The following RHBDD1 variants were observed in gnomAD, a reference collection of about 807,000 sequenced individuals.
The protein encoded by RHBDD1 is rhomboid-related protein 4.
A neutral mutation model predicts 36.3 loss-of-function variants in RHBDD1; 38 were observed. That is an observed-to-expected ratio of 1.05 (90% CI 0.81 to 1.37). The LOEUF is 1.37. Ranked by LOEUF, RHBDD1 falls within the 40% of genes most tolerant of loss-of-function variation. The probability of loss-of-function intolerance (pLI) is 0.00; values close to 1 mark genes in which losing one functional copy is unlikely to be tolerated. For missense variants in RHBDD1, 393 were observed against 377.6 expected, an observed-to-expected ratio of 1.04 and a Z score of -0.34; for synonymous variants, 151 against 136.5, an observed-to-expected ratio of 1.11 and a Z score of -0.74.
At chr2:226,818,763 C>T in the RHBDD1 span, among the ~76,000 whole-genome samples, 10 of 151,728 alleles carry the variant, frequency 6.6e-5, no homozygotes, top group East Asian at 2.0e-4. Context: ...CGCTTGAACC[C>T]GGGAGGTGGA....
intron 8 of RHBDD1, among the ~76,000 whole-genome samples, chr2:226,936,658 C>T (rs374387234): frequency 6.6e-6 from 1 of 152,116 alleles, no homozygotes; most frequent in Non-Finnish European, 1.5e-5. Flanking sequence ...GCTACCAAAT[C>T]TTAATGATTT....
At chr2:226,860,660 GGAAAC>G (rs1303419894) in intron 3 of RHBDD1, among the ~76,000 whole-genome samples, 1 of 152,144 alleles carries the variant, frequency 6.6e-6, no homozygotes, top group Non-Finnish European at 1.5e-5. Flanking sequence ...TGATTAGGAA[GGAAAC>G]TGCCCTAGAG....
intron 1 of RHBDD1, among the ~76,000 whole-genome samples, chr2:226,836,842 T>C (rs551582803): frequency 6.6e-6 from 1 of 152,326 alleles, no homozygotes; most frequent in East Asian, 1.9e-4. Context: ...TTGAGGTAGT[T>C]CTAATAAACT....
chr2:226,833,871 G>A (rs182811271), upstream of RHBDD1, among the ~76,000 whole-genome samples: 12 of 152,262 alleles, frequency 7.9e-5, no homozygotes, highest in East Asian at 2.3e-3. Flanking sequence ...ATATGAGCAT[G>A]TTACAACATG....
At chr2:226,849,201 C>T (rs183700303) in intron 3 of RHBDD1, among the ~76,000 whole-genome samples, 6 of 152,294 alleles carry the variant, frequency 3.9e-5, no homozygotes, top group Admixed American at 2.0e-4. Context: ...TGGGCAGGGC[C>T]ACATAGCTCT....
intron 8 of RHBDD1, among the ~76,000 whole-genome samples, chr2:226,990,565 G>A (rs1032470896): frequency 1.1e-4 from 17 of 152,220 alleles, no homozygotes; most frequent in African/African-American, 2.6e-4. Context: ...GATGGCGAAC[G>A]GTAGGGAAAA....
At chr2:226,876,011 A>G (rs6718921) in intron 5 of RHBDD1, among the ~76,000 whole-genome samples, 2,402 of 152,260 alleles carry the variant, frequency 0.016, 58 homozygotes, top group African/African-American at 0.055. Context: ...CTTTTGTTTT[A>G]GCACTGGCAT....
At chr2:226,890,393 C>T (rs16822869) in intron 5 of RHBDD1, among the ~76,000 whole-genome samples, 4,089 of 152,226 alleles carry the variant, frequency 0.027, 87 homozygotes, top group East Asian at 0.12. Context: ...GGAGCTATAT[C>T]TGTTAGAAGG....
upstream of RHBDD1, among the ~76,000 whole-genome samples, chr2:226,831,788 C>A (rs1334087937): frequency 6.6e-6 from 1 of 150,956 alleles, no homozygotes; most frequent in Non-Finnish European, 1.5e-5. Flanking sequence ...TTGTGTCTGT[C>A]TAGGAATTTG....
At chr2:226,816,452 T>C in the RHBDD1 span, among the ~76,000 whole-genome samples, 2 of 151,996 alleles carry the variant, frequency 1.3e-5, no homozygotes, top group African/African-American at 2.4e-5. Flanking sequence ...GAAGGTTACT[T>C]TGAAGGTCAC....
chr2:226,818,800 T>C, the RHBDD1 span, among the ~76,000 whole-genome samples: 3 of 151,652 alleles, frequency 2.0e-5, no homozygotes, highest in Admixed American at 6.6e-5. Context: ...GATTGCGCCA[T>C]TGCACTCCAG....
At chr2:226,934,337 C>T (rs1479668164) in intron 8 of RHBDD1, among the ~76,000 whole-genome samples, 1 of 152,078 alleles carries the variant, frequency 6.6e-6, no homozygotes, top group Non-Finnish European at 1.5e-5. Context: ...TGTGTAACTA[C>T]ACTTTATAAT....
chr2:226,907,357 G>A (rs954098141), intron 6 of RHBDD1, among the ~76,000 whole-genome samples: 4 of 152,168 alleles, frequency 2.6e-5, no homozygotes, highest in Non-Finnish European at 4.4e-5. Context: ...CATGCATGGC[G>A]AAACCAAGTC....
intron 8 of RHBDD1, among the ~76,000 whole-genome samples, chr2:226,938,548 T>C (rs796787916): frequency 4.6e-5 from 7 of 152,184 alleles, no homozygotes; most frequent in African/African-American, 1.7e-4. Flanking sequence ...TTCATGTACA[T>C]ACACCCTTCC....
the RHBDD1 span, among the ~76,000 whole-genome samples, chr2:226,820,772 C>G: frequency 1.3e-5 from 2 of 151,966 alleles, no homozygotes; most frequent in Non-Finnish European, 2.9e-5. Flanking sequence ...GCACTCCAGC[C>G]TGAGAGACAG....
At chr2:226,883,762 T>A (rs1945978594) in intron 5 of RHBDD1, among the ~76,000 whole-genome samples, 1 of 152,184 alleles carries the variant, frequency 6.6e-6, no homozygotes, top group South Asian at 2.1e-4. Context: ...GTAAAATTTT[T>A]AAAAATTAAA....
At chr2:226,877,614 G>A (rs538579451) in intron 5 of RHBDD1, among the ~76,000 whole-genome samples, 1 of 150,574 alleles carries the variant, frequency 6.6e-6, no homozygotes, top group Non-Finnish European at 1.5e-5. Context: ...CATGGCAGGG[G>A]AAAGTGGGGA....
intron 5 of RHBDD1, among the ~76,000 whole-genome samples, chr2:226,870,790 G>A (rs1944737529): frequency 6.6e-6 from 1 of 152,148 alleles, no homozygotes; most frequent in South Asian, 2.1e-4. Context: ...TCATAAAGAA[G>A]AGAAAATGTA....
intron 8 of RHBDD1, among the ~76,000 whole-genome samples, chr2:226,916,833 C>T (rs1275112826): frequency 6.6e-6 from 1 of 152,078 alleles, no homozygotes; most frequent in Non-Finnish European, 1.5e-5. Flanking sequence ...GCTATATGCC[C>T]CCATCAGTAA....
Sources: allele counts gnomAD v4.1 joint callset (sites outside exome capture counted in the v4.1 genomes callset), GRCh38; gene constraint gnomAD v4.1.1; transcripts MANE v1.5; gene names NCBI Gene and HGNC (gene_info 2026-07-23, HGNC 2026-07-21).